JARID2: variants seen among roughly 807,000 people sequenced by gnomAD.
JARID2 encodes protein Jumonji.
A neutral mutation model predicts 125.6 loss-of-function variants in JARID2; 21 were observed. The ratio of observed to expected loss-of-function variants is 0.17; its 90% CI spans 0.12 to 0.24. The LOEUF (loss-of-function observed/expected upper bound fraction) is 0.24, where lower values mean the gene tolerates loss of function less well. Ranked by LOEUF, JARID2 falls within the 10% of genes least tolerant of loss-of-function variation. The probability of loss-of-function intolerance (pLI) is 1.00; values close to 1 mark genes in which losing one functional copy is unlikely to be tolerated. For missense variants in JARID2, 1,303 were observed against 1,639.6 expected (o/e 0.79, Z 3.55); for synonymous variants, 736 against 661.6 (o/e 1.11, Z -1.73).
At chr6:15,350,909 A>T (rs1763401453) in intron 1 of JARID2, among the ~76,000 whole-genome samples, 1 of 151,896 alleles carries the variant, frequency 6.6e-6, no homozygotes. Flanking sequence ...CCTCAAAGTT[A>T]TGTTAGGTCC....
At chr6:15,358,708 G>A (rs976618615) in intron 1 of JARID2, among the ~76,000 whole-genome samples, 1 of 152,222 alleles carries the variant, frequency 6.6e-6, no homozygotes, top group African/African-American at 2.4e-5. Flanking sequence ...CGTGTGCTCT[G>A]TTTAAACAGT....
chr6:15,331,788 C>T (rs1320834714), intron 1 of JARID2, among the ~76,000 whole-genome samples: 2 of 152,062 alleles, frequency 1.3e-5, no homozygotes, highest in Non-Finnish European at 1.5e-5. Flanking sequence ...CCATTGCACT[C>T]CAGCCTGGGC....
chr6:15,513,457 G>A, intron 16 of JARID2, 35 bp downstream of exon 16: 2 of 1,562,182 alleles, frequency 1.3e-6, no homozygotes, highest in Non-Finnish European at 8.7e-7. Flanking sequence ...GCCCTCGCAT[G>A]TAGTGCTTGG....
chr6:15,471,747 G>A (rs931926550), intron 5 of JARID2, among the ~76,000 whole-genome samples: 14 of 152,142 alleles, frequency 9.2e-5, no homozygotes, highest in Non-Finnish European at 1.9e-4. Context: ...ATGTGCAGGG[G>A]CAGTGACTAT....
intron 1 of JARID2, chr6:15,315,027 A>G (rs979248549): frequency 6.6e-6 from 1 of 152,248 alleles, no homozygotes; most frequent in Non-Finnish European, 1.5e-5. Context: ...CCATATTTTT[A>G]TGTATTGGAA....
intron 5 of JARID2, among the ~76,000 whole-genome samples, chr6:15,477,210 T>C (rs1769385958): frequency 6.6e-6 from 1 of 152,118 alleles, no homozygotes; most frequent in Non-Finnish European, 1.5e-5. Flanking sequence ...AAAGCAATCA[T>C]TTGGACGAGT....
chr6:15,321,756 T>A (rs141619536), intron 1 of JARID2, among the ~76,000 whole-genome samples: 3 of 148,826 alleles, frequency 2.0e-5, no homozygotes, highest in African/African-American at 7.3e-5. Context: ...AGAATAGCAA[T>A]CTAATTTTAT....
chr6:15,301,589 C>G (rs1457217475), intron 1 of JARID2, among the ~76,000 whole-genome samples: 2 of 152,088 alleles, frequency 1.3e-5, no homozygotes, highest in Non-Finnish European at 2.9e-5. Flanking sequence ...ATTTTATTTT[C>G]TCTTGTGGAA....
At chr6:15,398,617 G>T (rs1347975725) in intron 2 of JARID2, among the ~76,000 whole-genome samples, 1 of 152,176 alleles carries the variant, frequency 6.6e-6, no homozygotes, top group Admixed American at 6.5e-5. Context: ...GGACTGACTC[G>T]CATGTACTGT....
intron 2 of JARID2, among the ~76,000 whole-genome samples, chr6:15,402,419 C>A (rs1354476788): frequency 6.6e-6 from 1 of 152,222 alleles, no homozygotes; most frequent in African/African-American, 2.4e-5. Flanking sequence ...CATTAGCTAT[C>A]TGTGAACATG....
chr6:15,403,833 A>C (rs1047470078), intron 2 of JARID2, among the ~76,000 whole-genome samples: 2 of 152,088 alleles, frequency 1.3e-5, no homozygotes, highest in African/African-American at 4.8e-5. Context: ...ATATAACAAA[A>C]ATATGTCCCC....
At chr6:15,327,455 T>C (rs886908984) in intron 1 of JARID2, among the ~76,000 whole-genome samples, 1 of 152,182 alleles carries the variant, frequency 6.6e-6, no homozygotes, top group African/African-American at 2.4e-5. Flanking sequence ...GGGGGAGATC[T>C]GATGATGGCA....
At chr6:15,378,161 AC>A (rs929529800) in intron 2 of JARID2, among the ~76,000 whole-genome samples, 4 of 151,066 alleles carry the variant, frequency 2.6e-5, no homozygotes, top group African/African-American at 9.7e-5. Flanking sequence ...TGCTGGGATT[AC>A]AGGGGTGAGC....
At chr6:15,479,692 C>T (rs978731301) in intron 5 of JARID2, among the ~76,000 whole-genome samples, 4 of 152,286 alleles carry the variant, frequency 2.6e-5, no homozygotes, top group South Asian at 2.1e-4. Context: ...ACTGGAGTTT[C>T]GGAGTACAGA....
intron 1 of JARID2, among the ~76,000 whole-genome samples, chr6:15,291,662 C>T (rs768812647): frequency 5.9e-5 from 9 of 152,160 alleles, no homozygotes; most frequent in Non-Finnish European, 1.2e-4. Flanking sequence ...GGTGGGACAC[C>T]GTCTCTTGCA....
chr6:15,342,740 A>G (rs1473121079), intron 1 of JARID2, among the ~76,000 whole-genome samples: 1 of 152,168 alleles, frequency 6.6e-6, no homozygotes, highest in Non-Finnish European at 1.5e-5. Context: ...AAAATTATTC[A>G]ACTAGCTTCT....
intron 4 of JARID2, among the ~76,000 whole-genome samples, chr6:15,458,136 C>T (rs1370745327): frequency 3.3e-5 from 5 of 152,198 alleles, no homozygotes; most frequent in Admixed American, 6.5e-5. Context: ...GTACCATCGC[C>T]GTATTCCCTG....
At chr6:15,407,922 C>A (rs1007838965) in intron 2 of JARID2, among the ~76,000 whole-genome samples, 2 of 151,806 alleles carry the variant, frequency 1.3e-5, no homozygotes, top group Admixed American at 6.5e-5. Flanking sequence ...TTTTTGCCTT[C>A]TGTGCTTTAT....
rs72837838 is a variant in JARID2, at chr6:15,520,689, G to A, written c.*438G>A. ...TTTAGAAGGGATAGGAGACACACGC[G>A]CACACACACACACACACGAAACTTG... On this transcript the variant is annotated 3_prime_UTR_variant, in exon 18 of 18. Coordinates refer to ENST00000341776, the MANE Select transcript of JARID2 (RefSeq NM_004973.4). 457 of 390,120 alleles carry A rather than the reference G, an allele frequency of 1.2e-3. 1 individual carries two copies. The highest frequency in any genetic ancestry group is 1.8e-3 in the Admixed American group (64 of 36,158). The allele number at this position is 390,120 out of a possible 1,614,324, so 24.2% of individuals were successfully genotyped here. A position where few individuals can be genotyped will look rare whatever the true frequency, so the allele number is the denominator to read the frequency against.
Sources: allele counts gnomAD v4.1 joint callset (sites outside exome capture counted in the v4.1 genomes callset), GRCh38; gene constraint gnomAD v4.1.1; transcripts MANE v1.5; gene names NCBI Gene and HGNC (gene_info 2026-07-23, HGNC 2026-07-21).